The following AGAP1 variants were observed in gnomAD, a reference collection of about 807,000 sequenced individuals.
AGAP1 encodes the protein arf-GAP with GTPase, ANK repeat and PH domain-containing protein 1.
A neutral mutation model predicts 105.3 loss-of-function variants in AGAP1; 29 were observed. That is an observed-to-expected ratio of 0.28 (90% confidence interval 0.21 to 0.38). The LOEUF is 0.38. AGAP1 is among the 10% of genes least tolerant of loss of function. The pLI, the probability that AGAP1 is intolerant of heterozygous loss-of-function variation, is 1.00. For synonymous variants in AGAP1, 509 were observed against 485.9 expected (o/e 1.05, Z -0.63); for missense variants, 998 against 1,165.1 (o/e 0.86, Z 2.09).
chr2:235,980,992 T>G (rs867994706), intron 13 of AGAP1, among the ~76,000 whole-genome samples: 1 of 152,234 alleles, frequency 6.6e-6, no homozygotes, highest in Admixed American at 6.5e-5. Flanking sequence ...CTCCTCCTGT[T>G]ATGCTCTTAA....
At chr2:235,581,420 A>T (rs13387428) in intron 1 of AGAP1, among the ~76,000 whole-genome samples, 3 of 150,504 alleles carry the variant, frequency 2.0e-5, no homozygotes, top group Non-Finnish European at 3.0e-5. Context: ...TTAAGAATTC[A>T]ATCATGAAGA....
chr2:235,637,304 G>C (rs1368700489), intron 1 of AGAP1, among the ~76,000 whole-genome samples: 2 of 152,148 alleles, frequency 1.3e-5, no homozygotes, highest in South Asian at 4.1e-4. Flanking sequence ...GCCTTACTCT[G>C]TCACCCAGGC....
intron 1 of AGAP1, among the ~76,000 whole-genome samples, chr2:235,677,556 G>A (rs1008529524): frequency 6.6e-6 from 1 of 152,154 alleles, no homozygotes; most frequent in African/African-American, 2.4e-5. Flanking sequence ...ACGTGACGTT[G>A]TGTGCCGGGT....
chr2:235,535,575 C>T lies in AGAP1; in HGVS notation c.163+40726C>T, dbSNP rs1358849456. On this transcript the variant is annotated intron_variant, in intron 1 of 17. Transcript: ENST00000304032. The surrounding 1 kb of genome is among the most constrained non-coding windows in gnomAD (Gnocchi z 5.1). ...GTTCTGCGCGGCAGGTAGCAAGGAA[C>T]GGTGGCGGGGCCAAAGGTTTCCTCA... Among the ~76,000 whole-genome samples, 3 of 151,784 alleles carry T rather than the reference C, an allele frequency of 2.0e-5. No individual in the cohort carries two copies. Among genetic ancestry groups the T allele is most frequent in the Non-Finnish European group, 2.9e-5 (2 of 67,970 alleles).
In AGAP1 at chr2:236,104,744, C is replaced by T. The variant is rs1229630521; in HGVS notation, c.2115-15448C>T. On this transcript the variant is annotated intron_variant, in intron 16 of 17. Coordinates refer to ENST00000304032, the MANE Select transcript of AGAP1 (RefSeq NM_001037131.3). This position sits in a 1 kb window ranked among gnomAD's most constrained non-coding sequence, Gnocchi z 4.7. Reference sequence around the variant, plus strand: ...TCTCTACCAAAAATACAAAAATTAGCTGGGCATGGTGATGCGTGCCTGTAA... The same window carrying T: ...TCTCTACCAAAAATACAAAAATTAGTTGGGCATGGTGATGCGTGCCTGTAA... Among the ~76,000 whole-genome samples, 5 of 152,156 alleles carry T rather than the reference C, an allele frequency of 3.3e-5. No individual in the cohort carries two copies. The highest frequency in any genetic ancestry group is 7.3e-5 in the Non-Finnish European group (5 of 68,034).
intron 9 of AGAP1, among the ~76,000 whole-genome samples, chr2:235,849,428 G>A (rs1204135670): frequency 2.0e-5 from 3 of 152,232 alleles, no homozygotes; most frequent in Middle Eastern, 3.4e-3. Flanking sequence ...TTTCTCTATC[G>A]GAGTGGTGTA....
chr2:235,696,782 G>A (rs1455146172), intron 1 of AGAP1, among the ~76,000 whole-genome samples: 5 of 151,852 alleles, frequency 3.3e-5, no homozygotes, highest in African/African-American at 1.2e-4. Context: ...CACCTTATAC[G>A]AGACCATCCC....
chr2:235,587,890 T>C (rs1945173478), intron 1 of AGAP1, among the ~76,000 whole-genome samples: 1 of 152,096 alleles, frequency 6.6e-6, no homozygotes, highest in Admixed American at 6.5e-5. Flanking sequence ...GCCCGGTCCC[T>C]GCAGCTTCCC....
intron 1 of AGAP1, among the ~76,000 whole-genome samples, chr2:235,652,243 C>T (rs1947619501): frequency 6.6e-6 from 1 of 152,154 alleles, no homozygotes; most frequent in Non-Finnish European, 1.5e-5. Context: ...ACCTGTCACT[C>T]TGTGGCCCTG....
At chr2:235,816,314 T>C (rs1026367379) in intron 9 of AGAP1, among the ~76,000 whole-genome samples, 30 of 151,882 alleles carry the variant, frequency 2.0e-4, no homozygotes, top group Non-Finnish European at 4.1e-4. Flanking sequence ...GGCGGGTGCC[T>C]GTAGTCCCAG....
intron 6 of AGAP1, among the ~76,000 whole-genome samples, chr2:235,762,064 G>A (rs1424055357): frequency 2.0e-5 from 3 of 150,080 alleles, no homozygotes; most frequent in Admixed American, 6.7e-5. Flanking sequence ...AGCCGAGATT[G>A]TGCCGTTGCA....
Position 235,737,802 on chromosome 2 carries a change from T to C in AGAP1, c.311-3161T>C, listed in dbSNP as rs1328383135. Among the ~76,000 whole-genome samples, 1 of 152,016 alleles carries C rather than the reference T, an allele frequency of 6.6e-6. No homozygotes were observed. The highest frequency in any genetic ancestry group is 2.4e-5 in the African/African-American group (1 of 41,406). ...GCGTTGCAGGGCCCCTGGGACAGGC[T>C]CCACTCCTCCCTTCTTGCTCTGGAG... On this transcript the variant is annotated intron_variant, in intron 3 of 17. Transcript: ENST00000304032. The surrounding 1 kb of genome is among the most constrained non-coding windows in gnomAD (Gnocchi z 4.5).
chr2:235,811,980 C>T (rs545099128), intron 9 of AGAP1, among the ~76,000 whole-genome samples: 137 of 152,294 alleles, frequency 9.0e-4, no homozygotes, highest in Non-Finnish European at 1.6e-3. Flanking sequence ...TTGACAGCTG[C>T]GGTGGTCACA....
At chr2:236,117,886 C>A (rs1306819023) in intron 16 of AGAP1, among the ~76,000 whole-genome samples, 1 of 151,998 alleles carries the variant, frequency 6.6e-6, no homozygotes, top group Non-Finnish European at 1.5e-5. Flanking sequence ...TGTTTTTGCC[C>A]GAGTGGGGTG....
At chr2:235,680,091 A>G (rs952416654) in intron 1 of AGAP1, among the ~76,000 whole-genome samples, 4 of 152,212 alleles carry the variant, frequency 2.6e-5, no homozygotes, top group Admixed American at 2.6e-4. Flanking sequence ...GCAAGTAACT[A>G]GTGAGAGGAA....
chr2:235,975,010 AC>A (rs1402655840), intron 13 of AGAP1, among the ~76,000 whole-genome samples: 1 of 152,214 alleles, frequency 6.6e-6, no homozygotes, highest in East Asian at 1.9e-4. Context: ...ACAAATACAC[AC>A]TGAGTTGTAA....
At position 235,747,434 on chromosome 2, in the gene AGAP1, A is replaced by G. The variant is rs1020992150; in HGVS notation, c.538+2595A>G. 6.6e-6 allele frequency among the ~76,000 whole-genome samples: 1 copy of G among 152,002 alleles called. No homozygotes were observed. Among genetic ancestry groups the G allele is most frequent in the African/African-American group, 2.4e-5 (1 of 41,398 alleles). ...TGGGGTTGGGAGGTAAGTCAGCCCC[A>G]CACCCTCCCGGGGTGAACAGGTAAG... On this transcript the variant is annotated intron_variant, in intron 5 of 17. Coordinates refer to ENST00000304032, the MANE Select transcript of AGAP1 (RefSeq NM_001037131.3). This position sits in a 1 kb window ranked among gnomAD's most constrained non-coding sequence, Gnocchi z 5.0.
chr2:235,658,395 A>G (rs1348603284), intron 1 of AGAP1, among the ~76,000 whole-genome samples: 1 of 152,226 alleles, frequency 6.6e-6, no homozygotes, highest in East Asian at 1.9e-4. Flanking sequence ...GTACTGCTCT[A>G]ATTCTATCCA....
At position 235,962,621 on chromosome 2, in the gene AGAP1, G is replaced by A. The variant is rs2054238712; in HGVS notation, c.1484-5841G>A. On this transcript the variant is annotated intron_variant, in intron 12 of 17. Transcript: ENST00000304032. The surrounding 1 kb of genome is among the most constrained non-coding windows in gnomAD (Gnocchi z 5.3). Reference sequence around the variant, plus strand: ...CATGAGAGAGGGTGTCTGAGGTCCAGGGCAGAAGAGATTCATGAGGGTGGA... The same window carrying A: ...CATGAGAGAGGGTGTCTGAGGTCCAAGGCAGAAGAGATTCATGAGGGTGGA... Among the ~76,000 whole-genome samples the A allele has an allele frequency of 6.6e-6, 1 of 152,058 alleles. No homozygotes were observed. The highest frequency in any genetic ancestry group is 6.5e-5 in the Admixed American group (1 of 15,274).
Sources: gnomAD v4.1 joint callset for allele counts (sites outside exome capture counted in the v4.1 genomes callset) on GRCh38, gnomAD v4.1.1 for gene constraint, Gnocchi (gnomAD v3.1) non-coding constraint, MANE v1.5 for transcripts, NCBI Gene and HGNC (gene_info 2026-07-23, HGNC 2026-07-21) for gene names.